Variants in TMEM132B observed in about 807,000 individuals in gnomAD.
TMEM132B encodes transmembrane protein 132B.
In TMEM132B, 18 loss-of-function variants were observed where a neutral mutation model predicts 90.8. The observed-to-expected ratio is 0.20, with a 90% CI of 0.14 to 0.29. TMEM132B has a LOEUF of 0.29. Ranked by LOEUF, TMEM132B falls within the 10% of genes least tolerant of loss-of-function variation. The probability of loss-of-function intolerance (pLI) is 1.00; values close to 1 mark genes in which losing one functional copy is unlikely to be tolerated. For missense variants in TMEM132B, 1,096 were observed against 1,326.8 expected (o/e 0.83, Z 2.70); for synonymous variants, 504 against 523.3 (o/e 0.96, Z 0.50).
intron 3 of TMEM132B, among the ~76,000 whole-genome samples, chr12:125,467,524 G>GTTT (rs1419610665): frequency 1.1e-4 from 16 of 152,004 alleles, no homozygotes; most frequent in Non-Finnish European, 1.8e-4. Context: ...ATGCTTATTG[G>GTTT]CTTAGATCCA....
intron 1 of TMEM132B, among the ~76,000 whole-genome samples, chr12:125,290,455 C>T (rs1222753745): frequency 1.3e-5 from 2 of 152,210 alleles, no homozygotes; most frequent in Non-Finnish European, 2.9e-5. Context: ...CTAGAGATTA[C>T]CACTGCCTGA....
chr12:125,553,855 A>C (rs899943812), intron 4 of TMEM132B, among the ~76,000 whole-genome samples: 6 of 152,180 alleles, frequency 3.9e-5, no homozygotes, highest in Admixed American at 3.9e-4. Flanking sequence ...GCTTTGTTTT[A>C]AGTACAGGTG....
At position 125,639,579 on chromosome 12, in the gene TMEM132B, C is replaced by T. The variant is rs371260533; in HGVS notation, c.1438-4497C>T. On this transcript the variant is annotated intron_variant, in intron 5 of 8. Coordinates refer to ENST00000682704, the MANE Select transcript of TMEM132B (RefSeq NM_001366854.1). ...GGTGGGGAAGATAGATAAGAAACAACCAGGAGCATTAGGAGAGTGGTAATT... is the reference window on the plus strand; with the variant it reads ...GGTGGGGAAGATAGATAAGAAACAATCAGGAGCATTAGGAGAGTGGTAATT... Among the ~76,000 whole-genome samples the T allele has an allele frequency of 9.9e-4, 150 of 152,272 alleles. 2 individuals carry two copies. The highest frequency in any genetic ancestry group is 3.5e-3 in the African/African-American group (144 of 41,556).
At chr12:125,365,160 T>C (rs1878089141) in intron 2 of TMEM132B, among the ~76,000 whole-genome samples, 1 of 151,948 alleles carries the variant, frequency 6.6e-6, no homozygotes, top group Non-Finnish European at 1.5e-5. Flanking sequence ...ATTTGCATAC[T>C]TTTAAGAATT....
chr12:125,537,389 A>G (rs1244022600), intron 4 of TMEM132B, among the ~76,000 whole-genome samples: 2 of 152,232 alleles, frequency 1.3e-5, no homozygotes, highest in Non-Finnish European at 2.9e-5. Flanking sequence ...CAGACAGCAG[A>G]AAGACTCATT....
chr12:125,612,651 C>T (rs116082020), intron 5 of TMEM132B, among the ~76,000 whole-genome samples: 10,690 of 141,414 alleles, frequency 0.076, 474 homozygotes, highest in East Asian at 0.15. Flanking sequence ...ACTATATATA[C>T]TTGTCATACT....
intron 1 of TMEM132B, among the ~76,000 whole-genome samples, chr12:125,306,823 A>G (rs566660945): frequency 2.1e-4 from 32 of 152,324 alleles, no homozygotes; most frequent in Admixed American, 1.8e-3. Flanking sequence ...TCTCATTCCA[A>G]GTAAAAGCCA....
At chr12:125,624,027 C>T (rs1886172947) in intron 5 of TMEM132B, among the ~76,000 whole-genome samples, 1 of 152,170 alleles carries the variant, frequency 6.6e-6, no homozygotes, top group Non-Finnish European at 1.5e-5. Context: ...CCCATTCTGC[C>T]CACCCTGCCC....
At chr12:125,541,894 G>A (rs1212895157) in intron 4 of TMEM132B, among the ~76,000 whole-genome samples, 9 of 151,658 alleles carry the variant, frequency 5.9e-5, no homozygotes, top group Non-Finnish European at 1.3e-4. Context: ...GCGTGGTGGC[G>A]GGCACCTGTA....
At position 125,505,166 on chromosome 12, in the gene TMEM132B, CAAAAAAAAAAAAAA is replaced by C. The variant is rs71306287; in HGVS notation, c.1107-14257_1107-14244del. Among the ~76,000 whole-genome samples, 35 of 28,592 alleles carry C rather than the reference CAAAAAAAAAAAAAA, an allele frequency of 1.2e-3. 1 individual carries two copies. Among genetic ancestry groups the C allele is most frequent in the East Asian group, 6.4e-3 (4 of 626 alleles). 18.8% of individuals were successfully genotyped at this position (28,592 alleles called of 152,430 possible). A position where few individuals can be genotyped will look rare whatever the true frequency, so the allele number is the denominator to read the frequency against. ...AAAATGAGACTCACACACCAGAGGA[CAAAAAAAAAAAAAA>C]AAAAAAAAAAAAAAACAGTAAGTGG... On this transcript the variant is annotated intron_variant, in intron 3 of 8. Transcript: ENST00000682704.
intron 5 of TMEM132B, among the ~76,000 whole-genome samples, chr12:125,631,592 A>T (rs868144989): frequency 6.6e-6 from 1 of 152,140 alleles, no homozygotes; most frequent in Non-Finnish European, 1.5e-5. Flanking sequence ...GGGATGTTGA[A>T]GTGTCCAGCT....
intron 1 of TMEM132B, among the ~76,000 whole-genome samples, chr12:125,332,903 A>AG (rs1876830842): frequency 6.6e-6 from 1 of 152,220 alleles, no homozygotes; most frequent in Non-Finnish European, 1.5e-5. Flanking sequence ...TCTCTGAGCG[A>AG]TTTCGGATTG....
In TMEM132B at chr12:125,654,021, C is replaced by T; in HGVS notation, c.2563C>T (p.Pro855Ser). Residue 855 changes from proline (P) to serine (S), a missense_variant, in exon 9 of 9, where the codon CCC (proline) becomes TCC (serine). Pro to Ser is a moderately conservative substitution (Grantham distance 74, BLOSUM62 -1). Coordinates refer to ENST00000682704, the MANE Select transcript of TMEM132B (RefSeq NM_001366854.1). The surrounding 1 kb of genome is among the most constrained non-coding windows in gnomAD (Gnocchi z 5.8). ...GGAAAGTACCAACAAAAGCACAACC[C>T]CCCAGTCTCCCATGGAAGGGAAGAA... The part of the protein sequence containing the change: ...QEESTNKSTT[P>S]QSPMEGKNKL... 1.9e-6 allele frequency: 3 copies of T among 1,614,150 alleles called. No homozygotes were observed. The highest frequency in any genetic ancestry group is 1.7e-5 in the Admixed American group (1 of 60,022).
chr12:125,519,481 A>C lies in TMEM132B; in HGVS notation c.1149A>C (p.Gly383=). The C allele has an allele frequency of 6.2e-7, 1 of 1,613,686 alleles. No individual in the cohort carries two copies. The highest frequency in any genetic ancestry group is 8.5e-7 in the Non-Finnish European group (1 of 1,179,826). The change falls in exon 4 of 9, where the codon GGA becomes GGC. Residue 383 remains glycine (G), a synonymous_variant. Coordinates refer to ENST00000682704, the MANE Select transcript of TMEM132B (RefSeq NM_001366854.1). ...SFYEILQVDF[G]IDNSSDLAGA... ...ATGAGATCTTGCAAGTGGACTTTGG[A>C]ATTGATAATAGCAGTGACCTGGCTG...
intron 1 of TMEM132B, among the ~76,000 whole-genome samples, chr12:125,188,998 C>T (rs1170354209): frequency 6.6e-6 from 1 of 152,022 alleles, no homozygotes; most frequent in African/African-American, 2.4e-5. Flanking sequence ...CATGGTTTAC[C>T]GACCCCCTTT....
At chr12:125,238,536 G>A (rs1873994130) in intron 1 of TMEM132B, among the ~76,000 whole-genome samples, 1 of 152,134 alleles carries the variant, frequency 6.6e-6, no homozygotes, top group African/African-American at 2.4e-5. Flanking sequence ...TTTTGTATTT[G>A]CTTGTTTATT....
At chr12:125,622,441 G>T in intron 5 of TMEM132B, 2 of 985,186 alleles carry the variant, frequency 2.0e-6, no homozygotes, top group Non-Finnish European at 1.2e-6. Flanking sequence ...CCACACAGAA[G>T]TAGAACTTTC....
At chr12:125,597,155 T>G (rs1885459347) in intron 5 of TMEM132B, among the ~76,000 whole-genome samples, 1 of 152,130 alleles carries the variant, frequency 6.6e-6, no homozygotes, top group South Asian at 2.1e-4. Context: ...CCTGGTAGAG[T>G]TTCTGGCACA....
rs1183048188 is a variant in TMEM132B at position 125,251,412 on chromosome 12, G to A, written c.67+64546G>A. On this transcript the variant is annotated intron_variant, in intron 1 of 8. Coordinates refer to ENST00000682704, the MANE Select transcript of TMEM132B (RefSeq NM_001366854.1). The surrounding 1 kb of genome is among the most constrained non-coding windows in gnomAD (Gnocchi z 4.4). The stretch of plus-strand genomic sequence containing the variant: ...GGGCTTAAGATGGAGTCATACTTAG[G>A]TTCAGCTATATGAGCCTTTAAACCA... 6.6e-6 allele frequency among the ~76,000 whole-genome samples: 1 copy of A among 152,136 alleles called. No individual in the cohort carries two copies. Among genetic ancestry groups the A allele is most frequent in the Non-Finnish European group, 1.5e-5 (1 of 68,032 alleles).
Sources: allele counts gnomAD v4.1 joint callset (sites outside exome capture counted in the v4.1 genomes callset), GRCh38; gene constraint gnomAD v4.1.1; non-coding constraint Gnocchi (gnomAD v3.1); transcripts MANE v1.5; gene names NCBI Gene and HGNC (gene_info 2026-07-23, HGNC 2026-07-21).